The following TNFRSF21 variants were observed in gnomAD, a reference collection of about 807,000 sequenced individuals.
The protein encoded by TNFRSF21 is tumor necrosis factor receptor superfamily member 21.
TNFRSF21 carries 19 observed loss-of-function variants against 45.6 expected under a neutral mutation model. That is an observed-to-expected ratio of 0.42 (90% CI 0.29 to 0.61). The LOEUF is 0.61. Among genes scored for constraint, TNFRSF21 ranks in the 20% least tolerant of loss-of-function variants. TNFRSF21 has a pLI of 0.23. For missense variants in TNFRSF21, 737 were observed against 851.5 expected (o/e 0.87, Z 1.67); for synonymous variants, 314 against 335.5 (o/e 0.94, Z 0.70).
intron 1 of TNFRSF21, among the ~76,000 whole-genome samples, chr6:47,291,120 C>G (rs1762717641): frequency 6.6e-6 from 1 of 152,284 alleles, no homozygotes; most frequent in South Asian, 2.1e-4. Context: ...AGGCAAGAAG[C>G]AGTGAAAGAG....
intron 3 of TNFRSF21, among the ~76,000 whole-genome samples, chr6:47,281,161 G>A: frequency 6.6e-6 from 1 of 152,076 alleles, no homozygotes. Flanking sequence ...AATTTATTAA[G>A]GTTGAAAACT....
intron 3 of TNFRSF21, among the ~76,000 whole-genome samples, chr6:47,264,574 G>A (rs191494682): frequency 2.7e-4 from 41 of 152,310 alleles, no homozygotes; most frequent in Non-Finnish European, 3.7e-4. Context: ...ACAGTCACTA[G>A]AGGGTGGGTC....
In TNFRSF21 at chr6:47,234,909, G is replaced by A. The variant is rs1398971307; in HGVS notation, c.1510-11C>T. The A allele has an allele frequency of 5.3e-6, 7 of 1,323,376 alleles. No homozygotes were observed. The highest frequency in any genetic ancestry group is 4.8e-5 in the South Asian group (2 of 41,828). 82.0% of individuals were successfully genotyped at this position (1,323,376 alleles called of 1,614,324 possible). A position where few individuals can be genotyped will look rare whatever the true frequency, so the allele number is the denominator to read the frequency against. On this transcript the variant is annotated splice_polypyrimidine_tract_variant and intron_variant, in intron 4 of 5. Coordinates refer to ENST00000296861, the MANE Select transcript of TNFRSF21 (RefSeq NM_014452.5). Reference sequence around the variant, plus strand: ...TTTGTCAGTTTCCAGCTGTAGGAGGGAAAATTTTTTTTTATTATATATAGA... The same window carrying A: ...TTTGTCAGTTTCCAGCTGTAGGAGGAAAAATTTTTTTTTATTATATATAGA...
At chr6:47,243,815 C>G (rs990958794) in intron 4 of TNFRSF21, among the ~76,000 whole-genome samples, 2 of 152,176 alleles carry the variant, frequency 1.3e-5, no homozygotes. Flanking sequence ...GCATGCTGTT[C>G]CATTGTACAG....
rs916658374 is a variant in TNFRSF21 at position 47,232,055 on chromosome 6, G to C, written c.*710C>G. The C allele has an allele frequency of 6.6e-6, 1 of 152,468 alleles. No individual in the cohort carries two copies. Among genetic ancestry groups the C allele is most frequent in the South Asian group, 2.1e-4 (1 of 4,832 alleles). 9.4% of individuals were successfully genotyped at this position (152,468 alleles called of 1,614,324 possible). On this transcript the variant is annotated 3_prime_UTR_variant, in exon 6 of 6. Coordinates refer to ENST00000296861, the MANE Select transcript of TNFRSF21 (RefSeq NM_014452.5). ...AGCCCAGAGCATATTAGCATAAGAA[G>C]AGTACAAGTAATCAAGCATTCTACA...
chr6:47,273,821 C>G (rs1762460100), intron 3 of TNFRSF21, among the ~76,000 whole-genome samples: 1 of 152,076 alleles, frequency 6.6e-6, no homozygotes, highest in Admixed American at 6.6e-5. Flanking sequence ...GTGCAAAAAT[C>G]ACAAGCATTC....
rs145833053 is a variant in TNFRSF21, at chr6:47,273,462, C to T, written c.1243+10476G>A. On this transcript the variant is annotated intron_variant, in intron 3 of 5. Transcript: ENST00000296861. ...AAAGGCCTTCGACAAAATTCAACAG[C>T]GCTTCATGCTAAAAAATCTCAATAA... 3.4e-3 allele frequency among the ~76,000 whole-genome samples: 513 copies of T among 152,230 alleles called. 2 individuals carry two copies. The highest frequency in any genetic ancestry group is 0.011 in the African/African-American group (477 of 41,544).
intron 4 of TNFRSF21, among the ~76,000 whole-genome samples, chr6:47,243,112 T>C (rs1373887557): frequency 1.3e-5 from 2 of 152,194 alleles, no homozygotes; most frequent in Admixed American, 1.3e-4. Flanking sequence ...CATTGCATAA[T>C]AAGTCCATTA....
chr6:47,291,027 T>C (rs911995446), intron 1 of TNFRSF21, among the ~76,000 whole-genome samples: 25 of 152,296 alleles, frequency 1.6e-4, no homozygotes, highest in South Asian at 1.0e-3. Flanking sequence ...TGAGAGGGAA[T>C]TGAACAGGTG....
At chr6:47,309,337 C>T in intron 1 of TNFRSF21, 79 bp downstream of exon 1, 1 of 1,469,248 alleles carries the variant, frequency 6.8e-7, no homozygotes, top group Non-Finnish European at 8.9e-7. Flanking sequence ...AGCCCCGGCC[C>T]GGTGACCCGC....
At chr6:47,300,554 T>G (rs1173940963) in intron 1 of TNFRSF21, among the ~76,000 whole-genome samples, 1 of 152,200 alleles carries the variant, frequency 6.6e-6, no homozygotes, top group Non-Finnish European at 1.5e-5. Flanking sequence ...ATTACCCTGC[T>G]TCCCACTGCA....
chr6:47,283,787 ATC>A (rs1762605105), intron 3 of TNFRSF21, 149 bp downstream of exon 3: 13 of 961,382 alleles, frequency 1.4e-5, no homozygotes, highest in Non-Finnish European at 2.0e-5. Context: ...GAGACGGTCA[ATC>A]TCTTTTTCTA....
At chr6:47,276,876 G>T (rs1762506508) in intron 3 of TNFRSF21, among the ~76,000 whole-genome samples, 2 of 152,190 alleles carry the variant, frequency 1.3e-5, no homozygotes. Flanking sequence ...GCCTACATGT[G>T]TAAATTAATT....
intron 3 of TNFRSF21, among the ~76,000 whole-genome samples, chr6:47,273,813 G>A (rs1351661912): frequency 1.3e-5 from 2 of 152,098 alleles, no homozygotes; most frequent in Non-Finnish European, 2.9e-5. Context: ...AAATCAATGT[G>A]CAAAAATCAC....
rs1243957814 is a variant in TNFRSF21 at position 47,283,983 on chromosome 6, G to C, written c.1198C>G (p.Pro400Ala). 7 of 1,614,162 alleles carry C rather than the reference G, an allele frequency of 4.3e-6. No individual in the cohort carries two copies. Among genetic ancestry groups the C allele is most frequent in the Non-Finnish European group, 5.9e-6 (7 of 1,180,046 alleles). Reference protein sequence around the residue: ...EKAGLKKSMTPTQNREKWIYY... With the variant: ...EKAGLKKSMTATQNREKWIYY... ...ATCCATTTCTCCCGGTTCTGGGTTG[G>C]AGTCATGGATTTCTTCAGCCCTGCC... The change falls in exon 3 of 6, where the codon CCA (proline) becomes GCA (alanine). Residue 400 changes from proline to alanine, a missense_variant. Physicochemically the swap from Pro to Ala is conservative, Grantham distance 27 (BLOSUM62 -1). Transcript: ENST00000296861.
chr6:47,302,410 A>C (rs1369336456), intron 1 of TNFRSF21, among the ~76,000 whole-genome samples: 2 of 152,240 alleles, frequency 1.3e-5, no homozygotes, highest in Non-Finnish European at 2.9e-5. Flanking sequence ...ATTGCTAAGC[A>C]GAACCCATGT....
At chr6:47,282,000 T>C (rs1040624138) in intron 3 of TNFRSF21, among the ~76,000 whole-genome samples, 1 of 152,022 alleles carries the variant, frequency 6.6e-6, no homozygotes, top group Non-Finnish European at 1.5e-5. Flanking sequence ...ACATCATAGG[T>C]GTCCAATCTT....
At chr6:47,234,973 A>G in intron 4 of TNFRSF21, 75 bp from the exon 5 acceptor site, 1 of 868,362 alleles carries the variant, frequency 1.2e-6, no homozygotes, top group South Asian at 3.2e-5. Context: ...CTCAGAGGCT[A>G]TTTTTTTTGT....
intron 3 of TNFRSF21, among the ~76,000 whole-genome samples, chr6:47,273,405 G>A (rs977553535): frequency 7.2e-5 from 11 of 152,062 alleles, no homozygotes; most frequent in Non-Finnish European, 5.9e-5. Flanking sequence ...CAGAACCAAC[G>A]ACAAAAACAA....
Sources: gnomAD v4.1 joint callset for allele counts (sites outside exome capture counted in the v4.1 genomes callset) on GRCh38, gnomAD v4.1.1 for gene constraint, MANE v1.5 for transcripts, NCBI Gene and HGNC (gene_info 2026-07-23, HGNC 2026-07-21) for gene names.